PTPRD: variants seen among roughly 807,000 people sequenced by gnomAD.
PTPRD encodes protein tyrosine phosphatase receptor type D.
A neutral mutation model predicts 214.5 loss-of-function variants in PTPRD; 34 were observed. The ratio of observed to expected loss-of-function variants is 0.16; its 90% CI spans 0.12 to 0.21. The LOEUF is 0.21. Ranked by LOEUF, PTPRD falls within the 10% of genes least tolerant of loss-of-function variation. The probability of loss-of-function intolerance (pLI) is 1.00; values close to 1 mark genes in which losing one functional copy is unlikely to be tolerated. For missense variants in PTPRD, 2,545 were observed against 2,398.7 expected (o/e 1.06, Z -1.27); for synonymous variants, 1,128 against 845.7 (o/e 1.33, Z -5.79).
At chr9:9,113,896 G>A (rs1341245994) in intron 10 of PTPRD, among the ~76,000 whole-genome samples, 1 of 152,114 alleles carries the variant, frequency 6.6e-6, no homozygotes, top group East Asian at 1.9e-4. Context: ...GGTATCAACT[G>A]GCTTAGTATT....
rs2137240706 is a variant in PTPRD, at chr9:8,504,409, G to T, written c.1678-4C>A. On this transcript the variant is annotated splice_region_variant and splice_polypyrimidine_tract_variant and intron_variant, in intron 22 of 45. Transcript: ENST00000381196. The stretch of plus-strand genomic sequence containing the variant: ...CTGGCTCAATGGTAATTCGTTGCTG[G>T]AAGCAATAAGAGAATGTGGTCATCT... 1 of 1,614,022 alleles carries T rather than the reference G, an allele frequency of 6.2e-7. No homozygotes were observed. The highest frequency in any genetic ancestry group is 8.5e-7 in the Non-Finnish European group (1 of 1,179,952).
chr9:8,946,684 T>G (rs1158830827), intron 11 of PTPRD, among the ~76,000 whole-genome samples: 1 of 152,088 alleles, frequency 6.6e-6, no homozygotes, highest in Non-Finnish European at 1.5e-5. Flanking sequence ...TTGTTTTCTT[T>G]TATCTTCCTT....
At chr9:8,566,732 C>T (rs997425502) in intron 14 of PTPRD, among the ~76,000 whole-genome samples, 1 of 152,138 alleles carries the variant, frequency 6.6e-6, no homozygotes, top group South Asian at 2.1e-4. Context: ...AATTCATATC[C>T]ATTGTGAATT....
chr9:10,059,214 G>C (rs1304653980), intron 3 of PTPRD, among the ~76,000 whole-genome samples: 1 of 152,056 alleles, frequency 6.6e-6, no homozygotes, highest in African/African-American at 2.4e-5. Flanking sequence ...AACTGGAAAA[G>C]GGGATTAGTT....
chr9:8,636,899 A>G, intron 12 of PTPRD, 55 bp from the exon 13 acceptor site: 1 of 1,570,598 alleles, frequency 6.4e-7, no homozygotes. Flanking sequence ...ACAGACTATT[A>G]TCCTACTACC....
intron 12 of PTPRD, among the ~76,000 whole-genome samples, chr9:8,665,439 TTTTG>T (rs1001965165): frequency 1.3e-5 from 2 of 152,178 alleles, no homozygotes; most frequent in African/African-American, 2.4e-5. Flanking sequence ...AGGCAGGGTT[TTTTG>T]TTTTTGTTTT....
chr9:9,590,916 G>C (rs1370247945), intron 7 of PTPRD, among the ~76,000 whole-genome samples: 6 of 151,960 alleles, frequency 3.9e-5, no homozygotes. Flanking sequence ...TGTTTTGGAG[G>C]AACAGAAGAT....
intron 2 of PTPRD, among the ~76,000 whole-genome samples, chr9:10,548,926 A>T (rs1170570066): frequency 6.6e-6 from 1 of 152,200 alleles, no homozygotes; most frequent in Non-Finnish European, 1.5e-5. Flanking sequence ...CCAACTGTGA[A>T]CACATAACCA....
intron 8 of PTPRD, among the ~76,000 whole-genome samples, chr9:9,480,175 G>T (rs2095343741): frequency 6.6e-6 from 1 of 152,160 alleles, no homozygotes; most frequent in Non-Finnish European, 1.5e-5. Flanking sequence ...ATCAGTCCAA[G>T]GGTGCATGGA....
At position 9,373,791 on chromosome 9, in the gene PTPRD, A is replaced by G. The variant is rs139419925; in HGVS notation, c.-203+23658T>C. Among the ~76,000 whole-genome samples, 676 of 152,262 alleles carry G rather than the reference A, an allele frequency of 4.4e-3. 5 individuals carry two copies. Among genetic ancestry groups the G allele is most frequent in the Non-Finnish European group, 7.8e-3 (531 of 68,016 alleles). On this transcript the variant is annotated intron_variant, in intron 9 of 45. Transcript: ENST00000381196. ...ATGCAGGGTGAAATTCACAGGTGCCATGGTTTAGGACTTGGAAATCTCTGG... is the reference window on the plus strand; with the variant it reads ...ATGCAGGGTGAAATTCACAGGTGCCGTGGTTTAGGACTTGGAAATCTCTGG...
chr9:10,294,290 C>T (rs2095612728), intron 3 of PTPRD, among the ~76,000 whole-genome samples: 1 of 151,672 alleles, frequency 6.6e-6, no homozygotes, highest in African/African-American at 2.4e-5. Flanking sequence ...AGATGTTCAT[C>T]TATTGAAAAT....
chr9:9,578,038 T>C (rs2089525196), intron 7 of PTPRD, among the ~76,000 whole-genome samples: 4 of 66,434 alleles, frequency 6.0e-5, no homozygotes, highest in Admixed American at 2.9e-4. Context: ...AGAGTAAGAC[T>C]CTGTCTCAAA....
intron 35 of PTPRD, among the ~76,000 whole-genome samples, chr9:8,409,923 C>G (rs1049836644): frequency 1.3e-5 from 2 of 152,150 alleles, no homozygotes; most frequent in African/African-American, 4.8e-5. Flanking sequence ...TTTCAATGAC[C>G]TTAACTTCCA....
intron 12 of PTPRD, among the ~76,000 whole-genome samples, chr9:8,673,154 G>T (rs2097323651): frequency 6.6e-6 from 1 of 151,286 alleles, no homozygotes; most frequent in Admixed American, 6.6e-5. Context: ...GAGAATATCA[G>T]ATCATCTCTC....
chr9:8,612,424 T>G (rs557553504), intron 14 of PTPRD, among the ~76,000 whole-genome samples: 1 of 152,238 alleles, frequency 6.6e-6, no homozygotes, highest in East Asian at 1.9e-4. Context: ...CTGAATTAAG[T>G]GGAGGTGTTT....
At position 8,735,151 on chromosome 9, in the gene PTPRD, TGTTTTTTTTTTTG is replaced by T. The variant is rs1251673222; in HGVS notation, c.-103-1218_-103-1206del. Among the ~76,000 whole-genome samples the T allele has an allele frequency of 7.7e-3, 963 of 125,122 alleles. 15 individuals are homozygous for T. The highest frequency in any genetic ancestry group is 0.016 in the Middle Eastern group (4 of 244). The allele number at this position is 125,122 out of a possible 152,430, so 82.1% of individuals were successfully genotyped here. On this transcript the variant is annotated intron_variant, in intron 11 of 45. Transcript: ENST00000381196. ...TGGTTTTTTTTTGTTTTTTTTTTTC[TGTTTTTTTTTTTG>T]AGACAGTCTCACTCTGTCACCCAGG...
intron 8 of PTPRD, among the ~76,000 whole-genome samples, chr9:9,546,244 A>C (rs1380417295): frequency 6.6e-6 from 1 of 150,474 alleles, no homozygotes; most frequent in African/African-American, 2.4e-5. Flanking sequence ...GAATTTTTGG[A>C]ATTTTTACAT....
chr9:8,332,731 G>A (rs1842706720), intron 43 of PTPRD, among the ~76,000 whole-genome samples: 1 of 152,136 alleles, frequency 6.6e-6, no homozygotes, highest in Non-Finnish European at 1.5e-5. Flanking sequence ...GTTTATAGAA[G>A]CAGAAATAAT....
intron 7 of PTPRD, among the ~76,000 whole-genome samples, chr9:9,679,861 G>C (rs1231328882): frequency 2.0e-5 from 3 of 151,868 alleles, no homozygotes; most frequent in African/African-American, 4.8e-5. Flanking sequence ...TCTGGAGTCT[G>C]TCAATAATTT....
Sources: gnomAD v4.1 joint callset for allele counts (sites outside exome capture counted in the v4.1 genomes callset) on GRCh38, gnomAD v4.1.1 for gene constraint, MANE v1.5 for transcripts, NCBI Gene and HGNC (gene_info 2026-07-23, HGNC 2026-07-21) for gene names.